TBCK: variants seen among roughly 807,000 people sequenced by gnomAD.
The protein encoded by TBCK is TBC1 domain containing kinase, also known as TBC domain-containing protein kinase-like protein.
Under a neutral mutation model 113.4 loss-of-function variants are expected in TBCK, and 99 were observed. The observed-to-expected ratio is 0.87, with a 90% confidence interval of 0.74 to 1.03. The LOEUF (loss-of-function observed/expected upper bound fraction) is 1.03. Ranked by LOEUF, TBCK falls within the 50% of genes least tolerant of loss-of-function variation. The pLI is 0.00. For synonymous variants in TBCK, 369 were observed against 370.8 expected, an observed-to-expected ratio of 1.00 and a Z score of 0.05; for missense variants, 1,045 against 1,061.3, an observed-to-expected ratio of 0.98 and a Z score of 0.21.
chr4:106,087,577 A>T (rs1373861967), intron 25 of TBCK, among the ~76,000 whole-genome samples: 1 of 152,216 alleles, frequency 6.6e-6, no homozygotes, highest in Non-Finnish European at 1.5e-5. Flanking sequence ...ATTAGAAAAA[A>T]CTATTTTAAA....
intron 20 of TBCK, among the ~76,000 whole-genome samples, chr4:106,205,802 T>C (rs575349053): frequency 6.6e-6 from 1 of 151,044 alleles, no homozygotes; most frequent in South Asian, 2.1e-4. Context: ...ACCACTGCTC[T>C]GAGAAGTTTA....
At chr4:106,296,595 CAAAGTA>C (rs1386514211) in intron 2 of TBCK, among the ~76,000 whole-genome samples, 1 of 151,764 alleles carries the variant, frequency 6.6e-6, no homozygotes. Flanking sequence ...AGTGCAGGAG[CAAAGTA>C]TTATCTTGGA....
intron 24 of TBCK, among the ~76,000 whole-genome samples, chr4:106,112,918 T>C (rs1743029445): frequency 6.6e-6 from 1 of 152,188 alleles, no homozygotes. Flanking sequence ...ATGCCCAGAT[T>C]GCCAGCTCAC....
intron 25 of TBCK, among the ~76,000 whole-genome samples, chr4:106,089,083 G>C (rs1318884625): frequency 6.6e-6 from 1 of 151,498 alleles, no homozygotes; most frequent in Non-Finnish European, 1.5e-5. Flanking sequence ...ATTGGCTCAT[G>C]GTTCTGTAGG....
chr4:106,135,385 A>C (rs907346251), intron 23 of TBCK, among the ~76,000 whole-genome samples: 1 of 152,292 alleles, frequency 6.6e-6, no homozygotes, highest in Admixed American at 6.5e-5. Context: ...GCAATATAAC[A>C]GTAACAGAAT....
chr4:106,192,688 G>T (rs1157519117), intron 22 of TBCK, among the ~76,000 whole-genome samples: 1 of 152,052 alleles, frequency 6.6e-6, no homozygotes, highest in Non-Finnish European at 1.5e-5. Flanking sequence ...ACCAAGTACA[G>T]ATCATCCATT....
At chr4:106,311,111 C>T (rs144786701) in intron 1 of TBCK, among the ~76,000 whole-genome samples, 3 of 151,822 alleles carry the variant, frequency 2.0e-5, no homozygotes, top group Admixed American at 2.0e-4. Flanking sequence ...AAAATAGGAT[C>T]TCTAATTTGC....
chr4:106,174,532 G>A (rs1040808096), intron 22 of TBCK, among the ~76,000 whole-genome samples: 12 of 152,076 alleles, frequency 7.9e-5, no homozygotes, highest in African/African-American at 2.7e-4. Flanking sequence ...TAGGATCCCT[G>A]TATTATGAAA....
At chr4:106,218,751 A>AAC (rs1325491868) in intron 19 of TBCK, among the ~76,000 whole-genome samples, 2 of 115,916 alleles carry the variant, frequency 1.7e-5, no homozygotes, top group African/African-American at 6.3e-5. Flanking sequence ...GAGAAATAGG[A>AAC]ACACTTTTAC....
At chr4:106,290,867 G>A (rs1419809160) in intron 3 of TBCK, among the ~76,000 whole-genome samples, 1 of 152,246 alleles carries the variant, frequency 6.6e-6, no homozygotes, top group East Asian at 1.9e-4. Context: ...AACCATGCAT[G>A]CGAGTGATCA....
At chr4:106,152,976 CTAAACATTTGT>C (rs1304528639) in intron 23 of TBCK, among the ~76,000 whole-genome samples, 1 of 151,990 alleles carries the variant, frequency 6.6e-6, no homozygotes, top group Non-Finnish European at 1.5e-5. Context: ...GTTAGTCTGG[CTAAACATTTGT>C]TAATTTTGTT....
intron 24 of TBCK, among the ~76,000 whole-genome samples, chr4:106,114,057 C>G (rs1241193984): frequency 5.9e-5 from 9 of 152,178 alleles, no homozygotes; most frequent in Non-Finnish European, 7.3e-5. Context: ...TATTTGTCTT[C>G]TATTATTTAC....
intron 23 of TBCK, among the ~76,000 whole-genome samples, chr4:106,117,639 A>G (rs780401032): frequency 8.5e-5 from 13 of 152,354 alleles, no homozygotes; most frequent in South Asian, 2.1e-4. Flanking sequence ...GCAATGCAAT[A>G]CAACACAACT....
intron 3 of TBCK, among the ~76,000 whole-genome samples, chr4:106,287,877 C>T (rs866457521): frequency 2.6e-5 from 4 of 152,094 alleles, no homozygotes; most frequent in Middle Eastern, 3.4e-3. Flanking sequence ...TTATGCTATT[C>T]CTATGTTCTG....
chr4:106,120,186 A>G (rs2149582285), intron 23 of TBCK, among the ~76,000 whole-genome samples: 3 of 152,214 alleles, frequency 2.0e-5, no homozygotes, highest in Admixed American at 2.0e-4. Flanking sequence ...TCCCTTTCCG[A>G]GTCAAAGAAA....
intron 5 of TBCK, among the ~76,000 whole-genome samples, chr4:106,258,209 C>A (rs902762097): frequency 3.3e-5 from 5 of 152,008 alleles, no homozygotes; most frequent in African/African-American, 1.2e-4. Flanking sequence ...CAGAACTTTG[C>A]TGTGAGTATG....
At chr4:106,236,237 G>A (rs1419876983) in intron 14 of TBCK, among the ~76,000 whole-genome samples, 153 bp downstream of exon 14, 2 of 151,692 alleles carry the variant, frequency 1.3e-5, no homozygotes, top group Non-Finnish European at 2.9e-5. Context: ...CTAAGAACAT[G>A]TATCATTTTT....
intron 23 of TBCK, among the ~76,000 whole-genome samples, chr4:106,143,999 G>A (rs2149660684): frequency 6.6e-6 from 1 of 151,782 alleles, no homozygotes; most frequent in African/African-American, 2.4e-5. Flanking sequence ...TAAAAGAAAT[G>A]GTAACCATGC....
intron 22 of TBCK, among the ~76,000 whole-genome samples, chr4:106,178,790 C>G (rs1454405825): frequency 1.3e-5 from 2 of 151,598 alleles, no homozygotes; most frequent in Non-Finnish European, 2.9e-5. Context: ...AAAGTATCCT[C>G]TCCTCTTCAT....
Sources: gnomAD v4.1 joint callset for allele counts (sites outside exome capture counted in the v4.1 genomes callset) on GRCh38, gnomAD v4.1.1 for gene constraint, MANE v1.5 for transcripts, NCBI Gene and HGNC (gene_info 2026-07-23, HGNC 2026-07-21) for gene names.